The following ADIPOQ variants were observed in gnomAD, a reference collection of about 807,000 sequenced individuals.
ADIPOQ encodes adiponectin, C1Q and collagen domain containing.
A neutral mutation model predicts 16.1 loss-of-function variants in ADIPOQ; 19 were observed. The observed-to-expected ratio is 1.18, with a 90% CI of 0.82 to 1.73. The LOEUF is 1.73. ADIPOQ is among the 40% of genes most tolerant of loss of function. ADIPOQ has a pLI of 0.00. For synonymous variants in ADIPOQ, 124 were observed against 125.5 expected (o/e 0.99, Z 0.08); for missense variants, 323 against 308.3 (o/e 1.05, Z -0.36).
At chr3:186,844,503 C>T (rs893418865) in intron 1 of ADIPOQ, among the ~76,000 whole-genome samples, 1 of 100,148 alleles carries the variant, frequency 1.0e-5, no homozygotes, top group African/African-American at 4.1e-5. Context: ...AAAAGCAAAA[C>T]TCCATCTCAA....
intron 1 of ADIPOQ, among the ~76,000 whole-genome samples, chr3:186,846,414 A>C (rs1711584252): frequency 6.6e-6 from 1 of 152,044 alleles, no homozygotes; most frequent in Non-Finnish European, 1.5e-5. Flanking sequence ...TTGTATTTTC[A>C]GTAGAGACGG....
rs1712047539 is a variant in ADIPOQ, at chr3:186,857,451, A to T, written c.*2747A>T. The T allele has an allele frequency of 1.3e-5, 2 of 152,060 alleles. No individual in the cohort carries two copies. The highest frequency in any genetic ancestry group is 6.5e-5 in the Admixed American group (1 of 15,272). The allele number at this position is 152,060 out of a possible 1,614,324, so 9.4% of individuals were successfully genotyped here. ...AGACATAGCTGGAAAATTCCTATTGATTTTCTCTAAAATTTCAACAAGTAG... is the reference window on the plus strand; with the variant it reads ...AGACATAGCTGGAAAATTCCTATTGTTTTTCTCTAAAATTTCAACAAGTAG... On this transcript the variant is annotated 3_prime_UTR_variant, in exon 3 of 3. Transcript: ENST00000320741.
At chr3:186,854,107 G>A (rs1711887388) in intron 2 of ADIPOQ, 77 bp from the exon 3 acceptor site, 3 of 1,499,474 alleles carry the variant, frequency 2.0e-6, no homozygotes, top group Non-Finnish European at 9.0e-7. Flanking sequence ...GGAGCCACAG[G>A]GATGGTAATT....
rs1473344528 is a variant in ADIPOQ, at chr3:186,854,644, T to A, written c.675T>A (p.Tyr225Ter). 1.9e-6 allele frequency: 3 copies of A among 1,614,144 alleles called. No individual in the cohort carries two copies. The highest frequency in any genetic ancestry group is 2.5e-6 in the Non-Finnish European group (3 of 1,180,030). Reference sequence around the variant, plus strand: ...GGGAAGGAGAGCGTAATGGACTCTATGCTGATAATGACAATGACTCCACCT... The same window carrying A: ...GGGAAGGAGAGCGTAATGGACTCTAAGCTGATAATGACAATGACTCCACCT... ...VYGEGERNGL[Y>*]ADNDNDSTFT... The change falls in exon 3 of 3, where the codon TAT becomes TAA. Residue 225 changes from tyrosine to a stop codon, truncating the protein, a stop_gained. Transcript: ENST00000320741. LOFTEE classifies it high-confidence loss of function.
chr3:186,846,083 AG>A (rs963615132), intron 1 of ADIPOQ, among the ~76,000 whole-genome samples: 1 of 150,672 alleles, frequency 6.6e-6, no homozygotes, highest in African/African-American at 2.5e-5. Context: ...GTTATTGTAA[AG>A]ATGAAGATAA....
rs1712030468 is a variant in ADIPOQ, at chr3:186,857,006, C to T, written c.*2302C>T. On this transcript the variant is annotated 3_prime_UTR_variant, in exon 3 of 3. Transcript: ENST00000320741. Reference sequence around the variant, plus strand: ...TCTGCCTTCCGCAGTGTAGGCTTTACCCTCAGGTGCTACACAGTATAGTTC... The same window carrying T: ...TCTGCCTTCCGCAGTGTAGGCTTTATCCTCAGGTGCTACACAGTATAGTTC... The T allele has an allele frequency of 6.6e-6, 1 of 152,176 alleles. No homozygotes were observed. The highest frequency in any genetic ancestry group is 1.5e-5 in the Non-Finnish European group (1 of 68,038). The allele number at this position is 152,176 out of a possible 1,614,324, so 9.4% of individuals were successfully genotyped here.
chr3:186,856,843 T>C lies in ADIPOQ; in HGVS notation c.*2139T>C, dbSNP rs1003532770. On this transcript the variant is annotated 3_prime_UTR_variant, in exon 3 of 3. Transcript: ENST00000320741. ...AAACCCAAAATATTATGCAAACTACTGTAAGCAAGAAAAATAAAGGAAAAA... is the reference window on the plus strand; with the variant it reads ...AAACCCAAAATATTATGCAAACTACCGTAAGCAAGAAAAATAAAGGAAAAA... The C allele has an allele frequency of 1.3e-5, 2 of 152,174 alleles. No homozygotes were observed. Among genetic ancestry groups the C allele is most frequent in the African/African-American group, 4.8e-5 (2 of 41,442 alleles). 9.4% of individuals were successfully genotyped at this position (152,174 alleles called of 1,614,324 possible). A position where few individuals can be genotyped will look rare whatever the true frequency, so the allele number is the denominator to read the frequency against.
At chr3:186,848,558 G>A (rs1428121436) in intron 1 of ADIPOQ, among the ~76,000 whole-genome samples, 3 of 152,092 alleles carry the variant, frequency 2.0e-5, no homozygotes, top group East Asian at 1.9e-4. Context: ...TCCGCTAAAC[G>A]GGATTATGTG....
intron 1 of ADIPOQ, among the ~76,000 whole-genome samples, chr3:186,847,591 G>T (rs754669377): frequency 6.6e-6 from 1 of 151,824 alleles, no homozygotes; most frequent in African/African-American, 2.4e-5. Flanking sequence ...ACACTTCAAG[G>T]GTGCGCTTAG....
Position 186,853,041 on chromosome 3 carries a change from T to C in ADIPOQ, c.-8-10T>C, listed in dbSNP as rs1018704392. 6.2e-7 allele frequency: 1 copy of C among 1,614,138 alleles called. No homozygotes were observed. The highest frequency in any genetic ancestry group is 1.7e-5 in the Admixed American group (1 of 60,026). ...CTCTCCATGGCTGACAGTGCACATG[T>C]GGATTCCAGGGCTCAGGATGCTGTT... On this transcript the variant is annotated splice_polypyrimidine_tract_variant and intron_variant, in intron 1 of 2. Coordinates refer to ENST00000320741, the MANE Select transcript of ADIPOQ (RefSeq NM_004797.4).
chr3:186,848,387 C>T (rs370808373), intron 1 of ADIPOQ, among the ~76,000 whole-genome samples: 12 of 151,810 alleles, frequency 7.9e-5, no homozygotes, highest in East Asian at 1.9e-4. Flanking sequence ...ATATGTTTGT[C>T]GTTTTATATA....
intron 1 of ADIPOQ, among the ~76,000 whole-genome samples, chr3:186,849,747 A>G (rs537331609): frequency 6.6e-6 from 1 of 152,336 alleles, no homozygotes; most frequent in East Asian, 1.9e-4. Flanking sequence ...TTGATAAATG[A>G]TGCATCAGAT....
chr3:186,848,794 T>G (rs1249513852), intron 1 of ADIPOQ, among the ~76,000 whole-genome samples: 2 of 152,212 alleles, frequency 1.3e-5, no homozygotes, highest in African/African-American at 2.4e-5. Flanking sequence ...TTTGAAAATT[T>G]TTTTGAAAAT....
chr3:186,843,982 C>A (rs1394139409), intron 1 of ADIPOQ, among the ~76,000 whole-genome samples: 1 of 152,136 alleles, frequency 6.6e-6, no homozygotes, highest in East Asian at 1.9e-4. Flanking sequence ...TCAAGCCTCA[C>A]AAGGGGTGGC....
rs201686646 is a variant in ADIPOQ at position 186,855,146 on chromosome 3, T to G, written c.*442T>G. The G allele has an allele frequency of 2.8e-5, 6 of 216,586 alleles. No individual in the cohort carries two copies. The highest frequency in any genetic ancestry group is 4.6e-5 in the Non-Finnish European group (5 of 107,652). 13.4% of individuals were successfully genotyped at this position (216,586 alleles called of 1,614,324 possible). ...TTGTTCACTAGACTGTGCCCTTTTATAGAGGTACATGTTCTCTTTGGAGTG... is the reference window on the plus strand; with the variant it reads ...TTGTTCACTAGACTGTGCCCTTTTAGAGAGGTACATGTTCTCTTTGGAGTG... On this transcript the variant is annotated 3_prime_UTR_variant, in exon 3 of 3. Coordinates refer to ENST00000320741, the MANE Select transcript of ADIPOQ (RefSeq NM_004797.4).
chr3:186,852,266 G>T (rs1261871737), intron 1 of ADIPOQ: 1 of 152,552 alleles, frequency 6.6e-6, no homozygotes, highest in East Asian at 1.9e-4. Context: ...ACCAGCCAAG[G>T]AGTGAGATGG....
In ADIPOQ at chr3:186,854,738, C is replaced by A. The variant is rs770841121; in HGVS notation, c.*34C>A. 3 of 1,612,316 alleles carry A rather than the reference C, an allele frequency of 1.9e-6. No individual in the cohort carries two copies. Among genetic ancestry groups the A allele is most frequent in the Non-Finnish European group, 2.5e-6 (3 of 1,179,164 alleles). ...AACTCAGAGCCTCCTCCAGGCCAAA[C>A]AGCCCCAAAGTCAATTAAAGGCTTT... On this transcript the variant is annotated 3_prime_UTR_variant, in exon 3 of 3. Transcript: ENST00000320741.
Position 186,857,411 on chromosome 3 carries a change from A to G in ADIPOQ, c.*2707A>G, listed in dbSNP as rs73888312. 131 of 152,352 alleles carry G rather than the reference A, an allele frequency of 8.6e-4. 2 individuals are homozygous for G. Among genetic ancestry groups the G allele is most frequent in the African/African-American group, 2.9e-3 (119 of 41,586 alleles). 9.4% of individuals were successfully genotyped at this position (152,352 alleles called of 1,614,324 possible). On this transcript the variant is annotated 3_prime_UTR_variant, in exon 3 of 3. Coordinates refer to ENST00000320741, the MANE Select transcript of ADIPOQ (RefSeq NM_004797.4). ...CTCTTAATGCTGTGTTTGAGCTTTC[A>G]TGAGTTTCCCAGAGAGACATAGCTG...
intron 1 of ADIPOQ, among the ~76,000 whole-genome samples, chr3:186,845,816 G>A (rs1302353974): frequency 6.6e-6 from 1 of 152,180 alleles, no homozygotes; most frequent in Non-Finnish European, 1.5e-5. Flanking sequence ...AATAAATTTT[G>A]AAAATGCCTT....
Sources: gnomAD v4.1 joint callset for allele counts (sites outside exome capture counted in the v4.1 genomes callset) on GRCh38, gnomAD v4.1.1 for gene constraint, MANE v1.5 for transcripts, NCBI Gene and HGNC (gene_info 2026-07-23, HGNC 2026-07-21) for gene names.